The following KALRN variants were observed in gnomAD, a reference collection of about 807,000 sequenced individuals.
KALRN encodes the protein kalirin.
KALRN carries 70 observed loss-of-function variants against 353.7 expected under a neutral mutation model. The observed-to-expected ratio is 0.20, with a 90% CI of 0.16 to 0.24. The LOEUF is 0.24. KALRN is among the 10% of genes least tolerant of loss of function. The probability of loss-of-function intolerance (pLI) is 1.00; values close to 1 mark genes in which losing one functional copy is unlikely to be tolerated. For missense variants in KALRN, 2,791 were observed against 3,756.7 expected (o/e 0.74, Z 6.72); for synonymous variants, 1,391 against 1,434.8 (o/e 0.97, Z 0.69).
At chr3:124,328,044 G>A (rs1311612041) in intron 7 of KALRN, among the ~76,000 whole-genome samples, 1 of 152,118 alleles carries the variant, frequency 6.6e-6, no homozygotes, top group Non-Finnish European at 1.5e-5. Context: ...ACTAAACAGT[G>A]GACATTACTA....
intron 5 of KALRN, among the ~76,000 whole-genome samples, chr3:124,290,366 G>A (rs889395844): frequency 1.2e-4 from 18 of 152,128 alleles, no homozygotes; most frequent in Admixed American, 6.5e-5. Context: ...TCAGAAACTA[G>A]GAAGTGACTG....
chr3:124,051,810 G>A (rs923822436), intron 1 of KALRN, among the ~76,000 whole-genome samples: 25 of 152,194 alleles, frequency 1.6e-4, no homozygotes, highest in African/African-American at 5.5e-4. Flanking sequence ...AAGTCAAGCC[G>A]GGTGGGGCAA....
At chr3:124,623,388 A>ATT (rs559337724) in intron 34 of KALRN, among the ~76,000 whole-genome samples, 2 of 141,510 alleles carry the variant, frequency 1.4e-5, no homozygotes, top group African/African-American at 5.3e-5. Context: ...ATATATATAT[A>ATT]TATTTATTTA....
chr3:124,106,794 A>G (rs933076589), intron 1 of KALRN, among the ~76,000 whole-genome samples: 1 of 152,224 alleles, frequency 6.6e-6, no homozygotes, highest in Non-Finnish European at 1.5e-5. Flanking sequence ...ACCTCTTTCC[A>G]TTATATTCCC....
At chr3:124,249,668 G>A (rs1421430799) in intron 3 of KALRN, among the ~76,000 whole-genome samples, 1 of 152,122 alleles carries the variant, frequency 6.6e-6, no homozygotes. Context: ...GTCATATGTG[G>A]AGGGATTCTT....
chr3:124,620,310 G>C (rs1295439905), intron 34 of KALRN, among the ~76,000 whole-genome samples: 1 of 152,062 alleles, frequency 6.6e-6, no homozygotes, highest in African/African-American at 2.4e-5. Context: ...TCGCTATGTT[G>C]CTCAGCTGGT....
chr3:124,562,975 G>C lies in KALRN; in HGVS notation c.5068G>C (p.Val1690Leu). The C allele has an allele frequency of 7.3e-7, 1 of 1,367,892 alleles. No individual in the cohort carries two copies. The highest frequency in any genetic ancestry group is 9.8e-7 in the Non-Finnish European group (1 of 1,022,012). 84.7% of individuals were successfully genotyped at this position (1,367,892 alleles called of 1,614,324 possible). A position where few individuals can be genotyped will look rare whatever the true frequency, so the allele number is the denominator to read the frequency against. ...RPSERPGWCL[V>L]RTTERSPPLE... is the part of the protein sequence containing the mutation. Reference sequence around the variant, plus strand: ...CAGCGAGCGGCCTGGTTGGTGTCTGGTCCGTACCACCGAACGGAGCCCGCC... The same window carrying C: ...CAGCGAGCGGCCTGGTTGGTGTCTGCTCCGTACCACCGAACGGAGCCCGCC... Residue 1690 changes from valine (V) to leucine (L), a missense_variant, in exon 34 of 60, where the codon GTC becomes CTC. Physicochemically the swap from Val to Leu is conservative, Grantham distance 32. Around this residue, in one of 11 missense-constraint regions of KALRN, gnomAD observed 239 missense variants for 351.3 expected, o/e 0.68. Transcript: ENST00000682506.
chr3:124,176,753 T>C (rs760640791), intron 1 of KALRN, among the ~76,000 whole-genome samples: 5 of 152,218 alleles, frequency 3.3e-5, no homozygotes, highest in African/African-American at 2.4e-5. Flanking sequence ...ATAGCACTGC[T>C]ATCTCCTGTT....
chr3:124,109,292 T>C (rs555170850), intron 1 of KALRN, among the ~76,000 whole-genome samples: 1 of 152,222 alleles, frequency 6.6e-6, no homozygotes, highest in African/African-American at 2.4e-5. Context: ...GATATTTTTA[T>C]CTCCCTTTGA....
chr3:124,549,602 AG>A (rs1403399408), intron 33 of KALRN, among the ~76,000 whole-genome samples: 4 of 152,146 alleles, frequency 2.6e-5, no homozygotes, highest in African/African-American at 9.7e-5. Flanking sequence ...TATACACAAA[AG>A]TTTTATAATA....
At chr3:124,701,655 A>G (rs991519336) in intron 56 of KALRN, among the ~76,000 whole-genome samples, 1 of 151,972 alleles carries the variant, frequency 6.6e-6, no homozygotes, top group African/African-American at 2.4e-5. Context: ...TGACCTTGTA[A>G]CTTTTCCCTT....
intron 10 of KALRN, among the ~76,000 whole-genome samples, chr3:124,369,838 A>C (rs597977): frequency 0.38 from 56,904 of 149,674 alleles, 11,822 homozygotes; most frequent in East Asian, 0.74. Context: ...ACTTTTTTAG[A>C]TTCCACATAT....
intron 9 of KALRN, among the ~76,000 whole-genome samples, chr3:124,343,216 G>A (rs2081949092): frequency 6.6e-6 from 1 of 152,174 alleles, no homozygotes; most frequent in Non-Finnish European, 1.5e-5. Context: ...AGGCTGGAAT[G>A]GTGATATCAC....
At chr3:124,069,204 G>A (rs1250056954) in intron 1 of KALRN, among the ~76,000 whole-genome samples, 1 of 152,102 alleles carries the variant, frequency 6.6e-6, no homozygotes, top group Non-Finnish European at 1.5e-5. Context: ...TCACACAGCT[G>A]TTAAGTGGCA....
At chr3:124,674,741 C>A in intron 49 of KALRN, 127 bp downstream of exon 49, 3 of 1,068,752 alleles carry the variant, frequency 2.8e-6, no homozygotes, top group Non-Finnish European at 3.9e-6. Flanking sequence ...AACAGTACCA[C>A]AGAACCAGTG....
intron 6 of KALRN, among the ~76,000 whole-genome samples, chr3:124,311,962 G>A (rs1358949858): frequency 6.6e-6 from 1 of 152,156 alleles, no homozygotes; most frequent in Non-Finnish European, 1.5e-5. Context: ...AACCTTTAAA[G>A]AAGAAAGTAG....
chr3:124,651,945 G>A (rs1414327245), intron 38 of KALRN, among the ~76,000 whole-genome samples: 1 of 152,056 alleles, frequency 6.6e-6, no homozygotes, highest in Non-Finnish European at 1.5e-5. Flanking sequence ...GCCAACTTTT[G>A]TTTTCTTGTT....
chr3:124,125,868 G>C (rs2064595335), intron 1 of KALRN, among the ~76,000 whole-genome samples: 1 of 152,168 alleles, frequency 6.6e-6, no homozygotes, highest in African/African-American at 2.4e-5. Context: ...TTAGGAGTGG[G>C]CTGTCCTGAT....
chr3:124,086,937 C>T (rs115766506), intron 1 of KALRN, among the ~76,000 whole-genome samples: 1 of 152,326 alleles, frequency 6.6e-6, no homozygotes, highest in African/African-American at 2.4e-5. Context: ...GCGTTTTTAA[C>T]CCAACAGTAT....
Sources: gnomAD v4.1 joint callset for allele counts (sites outside exome capture counted in the v4.1 genomes callset) on GRCh38, gnomAD v4.1.1 for gene constraint, gnomAD v4.1.1 regional missense constraint, MANE v1.5 for transcripts, NCBI Gene and HGNC (gene_info 2026-07-23, HGNC 2026-07-21) for gene names.